FGD5: variants seen among roughly 807,000 people sequenced by gnomAD.
FGD5 encodes the protein FYVE, RhoGEF and PH domain containing 5, also known as FYVE, RhoGEF and PH domain-containing protein 5.
FGD5 carries 28 observed loss-of-function variants against 133.4 expected under a neutral mutation model. The observed-to-expected ratio is 0.21, with a 90% CI of 0.16 to 0.29. FGD5 has a LOEUF of 0.29. Ranked by LOEUF, FGD5 falls within the 10% of genes least tolerant of loss-of-function variation. The probability of loss-of-function intolerance (pLI) is 1.00; values close to 1 mark genes in which losing one functional copy is unlikely to be tolerated. For synonymous variants in FGD5, 810 were observed against 776.5 expected, an observed-to-expected ratio of 1.04 and a Z score of -0.72; for missense variants, 1,858 against 1,895.2, an observed-to-expected ratio of 0.98 and a Z score of 0.36.
At chr3:14,879,755 G>A (rs1346088140) in intron 2 of FGD5, among the ~76,000 whole-genome samples, 1 of 152,212 alleles carries the variant, frequency 6.6e-6, no homozygotes, top group Non-Finnish European at 1.5e-5. Context: ...AGCCCGTTGA[G>A]CAGGGAGGAT....
chr3:14,834,572 T>G (rs1445663471), intron 1 of FGD5, among the ~76,000 whole-genome samples: 1 of 152,224 alleles, frequency 6.6e-6, no homozygotes, highest in Non-Finnish European at 1.5e-5. Flanking sequence ...AGGAATGCAG[T>G]TTGAACACCC....
chr3:14,909,734 T>C (rs886137763), intron 10 of FGD5, among the ~76,000 whole-genome samples: 4 of 151,922 alleles, frequency 2.6e-5, no homozygotes, highest in Non-Finnish European at 2.9e-5. Flanking sequence ...AACATTGTGA[T>C]AATGCACTTT....
At chr3:14,810,729 C>T (rs1575180930), upstream of FGD5, 1 of 876,628 alleles carries the variant, frequency 1.1e-6, no homozygotes. Flanking sequence ...GCGCCGGGGC[C>T]GGGCGGGCGC....
rs1420911245 is a variant in FGD5 at position 14,897,100 on chromosome 3, C to T, written c.2749-409C>T. The T allele has an allele frequency of 1.3e-4, 24 of 186,534 alleles. No homozygotes were observed. In the Admixed American group the frequency reaches 1.4e-3, roughly 11 times the overall value. 11.6% of individuals were successfully genotyped at this position (186,534 alleles called of 1,614,324 possible). A position where few individuals can be genotyped will look rare whatever the true frequency, so the allele number is the denominator to read the frequency against. On this transcript the variant is annotated intron_variant, in intron 4 of 19. Coordinates refer to ENST00000285046, the MANE Select transcript of FGD5 (RefSeq NM_152536.4). ...GGATGCCTATAATTTCCTTAGACTT[C>T]GTTTTGAAACAACATAGCTCATGAA...
chr3:14,857,961 A>G (rs1575212357), intron 1 of FGD5, among the ~76,000 whole-genome samples: 1 of 151,324 alleles, frequency 6.6e-6, no homozygotes, highest in Non-Finnish European at 1.5e-5. Flanking sequence ...ACACGGAGAG[A>G]TTAAGAAACT....
intron 1 of FGD5, among the ~76,000 whole-genome samples, chr3:14,853,007 T>C (rs546117450): frequency 6.6e-6 from 1 of 152,070 alleles, no homozygotes; most frequent in South Asian, 2.1e-4. Flanking sequence ...TGTGGAAACT[T>C]AGCCTCCCCA....
chr3:14,819,076 T>G lies in FGD5; in HGVS notation c.5T>G (p.Phe2Cys), dbSNP rs1208114676. 1.9e-6 allele frequency: 3 copies of G among 1,547,718 alleles called. No individual in the cohort carries two copies. Among genetic ancestry groups the G allele is most frequent in the Middle Eastern group, 2.2e-4 (1 of 4,452 alleles). M[F>C]RGPKPPIAPK... ...AGTCTTCACAGTCCAAACTCCATGT[T>G]CAGGGGTCCGAAGCCCCCCATTGCC... is the stretch of plus-strand genomic sequence containing the variant. Residue 2 changes from phenylalanine (F) to cysteine (C), a missense_variant, in exon 1 of 20, where the codon TTC becomes TGC. Around this residue, in one of 3 missense-constraint regions of FGD5, gnomAD observed 29 missense variants for 27.6 expected, o/e 1.05. Coordinates refer to ENST00000285046, the MANE Select transcript of FGD5 (RefSeq NM_152536.4). The surrounding 1 kb of genome is among the most constrained non-coding windows in gnomAD (Gnocchi z 4.1).
chr3:14,819,001 C>A lies in FGD5; in HGVS notation c.-71C>A. On this transcript the variant is annotated 5_prime_UTR_variant, in exon 1 of 20. Transcript: ENST00000285046. This position sits in a 1 kb window ranked among gnomAD's most constrained non-coding sequence, Gnocchi z 4.1. ...GCTCCCAAGCCAAAGACTACCAGTC[C>A]ACTGACGCCAGTGACCGCGCCCAAA... The A allele has an allele frequency of 6.8e-7, 1 of 1,470,402 alleles. No individual in the cohort carries two copies. The allele number at this position is 1,470,402 out of a possible 1,614,324, so 91.1% of individuals were successfully genotyped here.
intron 1 of FGD5, among the ~76,000 whole-genome samples, chr3:14,859,655 C>T (rs1368756233): frequency 6.6e-6 from 1 of 152,120 alleles, no homozygotes; most frequent in Non-Finnish European, 1.5e-5. Context: ...ATATGTAATA[C>T]TTATTATTGA....
intron 1 of FGD5, among the ~76,000 whole-genome samples, chr3:14,823,776 G>T (rs2036551104): frequency 6.6e-6 from 1 of 152,232 alleles, no homozygotes; most frequent in Non-Finnish European, 1.5e-5. Context: ...ATCTATGTAT[G>T]GTGCCACCTG....
chr3:14,897,943 A>G lies in FGD5; in HGVS notation c.2914A>G (p.Ser972Gly). The G allele has an allele frequency of 6.2e-7, 1 of 1,613,768 alleles. No homozygotes were observed. Among genetic ancestry groups the G allele is most frequent in the South Asian group, 1.1e-5 (1 of 91,058 alleles). ...ELEERLSNWE[S>G]QQKVADVFLA... ...CATCCCCATTCCTGGCTGCAGGGAG[A>G]GCCAGCAGAAGGTAGCTGACGTCTT... is the stretch of plus-strand genomic sequence containing the variant. The change falls in exon 6 of 20, where the codon AGC becomes GGC. Residue 972 changes from serine (S) to glycine (G), a missense_variant. Coordinates refer to ENST00000285046, the MANE Select transcript of FGD5 (RefSeq NM_152536.4).
intron 4 of FGD5, among the ~76,000 whole-genome samples, chr3:14,883,337 G>T (rs1379154385): frequency 6.6e-6 from 1 of 152,122 alleles, no homozygotes; most frequent in East Asian, 1.9e-4. Flanking sequence ...TGGTTTAACG[G>T]CTGCCTTCCA....
intron 4 of FGD5, among the ~76,000 whole-genome samples, chr3:14,881,925 G>T (rs930540081): frequency 3.3e-5 from 5 of 152,184 alleles, no homozygotes; most frequent in Admixed American, 3.3e-4. Context: ...CATCAAGCCA[G>T]GCCTCTTGCT....
intron 2 of FGD5, among the ~76,000 whole-genome samples, chr3:14,873,011 C>T (rs1044058155): frequency 1.1e-4 from 17 of 152,164 alleles, no homozygotes; most frequent in African/African-American, 3.9e-4. Flanking sequence ...ATGGCTTAAC[C>T]CTTGCCTGGC....
rs1206943666 is a variant in FGD5, at chr3:14,811,081, GGGACCTTCTCA to G, written c.13+218_13+228del. Reference sequence around the variant, plus strand: ...TCCCCGTCCGAAGCGCCCTGCCTCAGGGACCTTCTCAGCCTTGGCGAGGCCGCGCCCTGGCC... The same window carrying G: ...TCCCCGTCCGAAGCGCCCTGCCTCAGGCCTTGGCGAGGCCGCGCCCTGGCC... On this transcript the variant is annotated intron_variant, in intron 1 of 1. Transcript: ENST00000640506. 4.9e-4 allele frequency among the ~76,000 whole-genome samples: 75 copies of G among 152,226 alleles called. No individual in the cohort carries two copies. In the Middle Eastern group the frequency reaches 0.01, roughly 21 times the overall value.
chr3:14,812,016 GTGTGTGTGTGTGTGTATGTA>G (rs1421332915), intron 1 of FGD5, among the ~76,000 whole-genome samples: 26 of 95,508 alleles, frequency 2.7e-4, no homozygotes, highest in Non-Finnish European at 5.7e-4. Flanking sequence ...GTGTGTGTGT[GTGTGTGTGTGTGTGTATGTA>G]TGTGTGTGTG....
At chr3:14,878,168 G>A (rs900583170) in intron 2 of FGD5, among the ~76,000 whole-genome samples, 1 of 152,178 alleles carries the variant, frequency 6.6e-6, no homozygotes, top group African/African-American at 2.4e-5. Context: ...CCTGAGTCAG[G>A]AAGGCATCCT....
chr3:14,817,058 T>TA (rs1396595181), upstream of FGD5, among the ~76,000 whole-genome samples: 1 of 152,192 alleles, frequency 6.6e-6, no homozygotes, highest in African/African-American at 2.4e-5. Context: ...GCTGCAAATG[T>TA]AAAATGCATA....
At chr3:14,810,697 C>A (rs1254870090), upstream of FGD5, among the ~76,000 whole-genome samples, 1 of 146,320 alleles carries the variant, frequency 6.8e-6, no homozygotes, top group African/African-American at 2.4e-5. Flanking sequence ...CACTGCCCTG[C>A]GCGCCGCGCG....
Sources: gnomAD v4.1 joint callset for allele counts (sites outside exome capture counted in the v4.1 genomes callset) on GRCh38, gnomAD v4.1.1 for gene constraint, gnomAD v4.1.1 regional missense constraint, Gnocchi (gnomAD v3.1) non-coding constraint, MANE v1.5 for transcripts, NCBI Gene and HGNC (gene_info 2026-07-23, HGNC 2026-07-21) for gene names.